The following LRRC37A variants were observed in gnomAD, a reference collection of about 807,000 sequenced individuals.
The protein encoded by LRRC37A is leucine rich repeat containing 37A.
In LRRC37A, 3 loss-of-function variants were observed where a neutral mutation model predicts 35.4. That is an observed-to-expected ratio of 0.08 (90% confidence interval 0.04 to 0.22). The LOEUF is 0.22. Ranked by LOEUF, LRRC37A falls within the 10% of genes least tolerant of loss-of-function variation. LRRC37A has a pLI of 1.00. For synonymous variants in LRRC37A, 23 were observed against 215.0 expected (o/e 0.11, Z 7.81); for missense variants, 67 against 565.3 (o/e 0.12, Z 8.94).
the LRRC37A span, among the ~76,000 whole-genome samples, chr17:46,280,441 A>G: frequency 2.0e-5 from 3 of 152,178 alleles, no homozygotes; most frequent in Non-Finnish European, 2.9e-5. Flanking sequence ...TGGGAGGCCA[A>G]GGTTGGCGGG....
At chr17:46,252,027 G>A in the LRRC37A span, among the ~76,000 whole-genome samples, 36 of 152,124 alleles carry the variant, frequency 2.4e-4, no homozygotes, top group African/African-American at 8.5e-4. Flanking sequence ...GTTATTTGGA[G>A]AAATCCATTT....
At position 46,317,024 on chromosome 17, in the gene LRRC37A, C is replaced by T. The variant is rs933719319; in HGVS notation, c.2907-5298C>T. ...CTATGTCTACTTCTTTCTACACAGA[C>T]ACAGCAACAATCTGATTTCTGTATC... is the stretch of plus-strand genomic sequence containing the variant. On this transcript the variant is annotated intron_variant, in intron 5 of 13. Coordinates refer to ENST00000320254, the Ensembl canonical transcript of LRRC37A. Among the ~76,000 whole-genome samples, 4 of 95,600 alleles carry T rather than the reference C, an allele frequency of 4.2e-5. 1 individual carries two copies. Among genetic ancestry groups the T allele is most frequent in the African/African-American group, 1.3e-4 (4 of 31,920 alleles). 62.7% of individuals were successfully genotyped at this position (95,600 alleles called of 152,430 possible).
chr17:46,269,283 C>T, the LRRC37A span, among the ~76,000 whole-genome samples: 2 of 152,218 alleles, frequency 1.3e-5, no homozygotes, highest in Non-Finnish European at 2.9e-5. Context: ...CCTGTAATCC[C>T]AGCACTTTGA....
the LRRC37A span, among the ~76,000 whole-genome samples, chr17:46,286,450 A>G: frequency 7.2e-5 from 11 of 152,260 alleles, no homozygotes; most frequent in Non-Finnish European, 1.5e-4. Context: ...TTATACCCAA[A>G]TTAGTGTTTT....
At chr17:46,251,179 G>GGACTTAGCCCA in the LRRC37A span, among the ~76,000 whole-genome samples, 1 of 152,078 alleles carries the variant, frequency 6.6e-6, no homozygotes, top group Non-Finnish European at 1.5e-5. Flanking sequence ...TTAGTCCCGT[G>GGACTTAGCCCA]GTTCTCAACT....
At chr17:46,268,665 C>G in the LRRC37A span, 1 of 1,532,276 alleles carries the variant, frequency 6.5e-7, no homozygotes, top group Non-Finnish European at 8.8e-7. Context: ...AGGGCAAATT[C>G]AAGGTGCAAT....
At chr17:46,276,850 C>T in the LRRC37A span, among the ~76,000 whole-genome samples, 1 of 143,152 alleles carries the variant, frequency 7.0e-6, no homozygotes, top group East Asian at 2.1e-4. Context: ...GTAGCCCAGT[C>T]TGGAGTGCAG....
At chr17:46,266,245 C>T in the LRRC37A span, among the ~76,000 whole-genome samples, 19 of 152,280 alleles carry the variant, frequency 1.2e-4, no homozygotes, top group African/African-American at 3.4e-4. Flanking sequence ...ACTCTTTCTC[C>T]CCCACTCAGT....
chr17:46,252,214 A>AT, the LRRC37A span, among the ~76,000 whole-genome samples: 30 of 150,472 alleles, frequency 2.0e-4, no homozygotes, highest in African/African-American at 2.9e-4. Flanking sequence ...TGATTCATTG[A>AT]TTTTTTTTTT....
the LRRC37A span, chr17:46,267,319 G>C: frequency 2.8e-6 from 4 of 1,426,492 alleles, no homozygotes; most frequent in Non-Finnish European, 3.8e-6. Context: ...TTTTTTGGAA[G>C]CAGCGATGAA....
At chr17:46,268,816 A>C in the LRRC37A span, 2 of 719,456 alleles carry the variant, frequency 2.8e-6, no homozygotes, top group African/African-American at 4.0e-5. Context: ...AATGACCTGC[A>C]TAGTTACAAC....
chr17:46,257,644 T>C, the LRRC37A span, among the ~76,000 whole-genome samples: 1 of 148,240 alleles, frequency 6.7e-6, no homozygotes, highest in East Asian at 2.0e-4. Flanking sequence ...CAAGACTTTG[T>C]TTCTACTTAA....
intron 3 of LRRC37A, among the ~76,000 whole-genome samples, chr17:46,305,058 A>T: frequency 1.4e-5 from 1 of 72,142 alleles, no homozygotes; most frequent in Admixed American, 2.0e-4. Flanking sequence ...TTTTGTAGAG[A>T]CAGGGTTTCA....
chr17:46,278,059 C>T, the LRRC37A span, among the ~76,000 whole-genome samples: 1 of 152,178 alleles, frequency 6.6e-6, no homozygotes, highest in Non-Finnish European at 1.5e-5. Flanking sequence ...GATTCTTCTG[C>T]CTCAGCCTCC....
chr17:46,272,985 ATTACT>A, the LRRC37A span, among the ~76,000 whole-genome samples: 6 of 152,356 alleles, frequency 3.9e-5, no homozygotes, highest in East Asian at 3.9e-4. Context: ...TGTCAAAAAC[ATTACT>A]TTATTTTTCT....
the LRRC37A span, among the ~76,000 whole-genome samples, chr17:46,251,833 A>G: frequency 6.6e-6 from 1 of 151,580 alleles, no homozygotes; most frequent in Non-Finnish European, 1.5e-5. Context: ...TTAGGGTGTA[A>G]TATGGCCCTC....
the LRRC37A span, among the ~76,000 whole-genome samples, chr17:46,252,381 T>A: frequency 4.8e-5 from 7 of 145,750 alleles, no homozygotes; most frequent in African/African-American, 1.7e-4. Context: ...TTCTTTCTTT[T>A]TTTTTTTTTT....
chr17:46,275,500 A>C, the LRRC37A span: 1 of 635,096 alleles, frequency 1.6e-6, no homozygotes, highest in Non-Finnish European at 2.8e-6. Flanking sequence ...AAGTAAATAA[A>C]TCTGGAAGAA....
the LRRC37A span, among the ~76,000 whole-genome samples, chr17:46,274,468 G>A: frequency 5.9e-5 from 9 of 152,346 alleles, no homozygotes; most frequent in East Asian, 1.7e-3. Context: ...AGTTGTGTGT[G>A]TGTGCACATG....
Sources: allele counts gnomAD v4.1 joint callset (sites outside exome capture counted in the v4.1 genomes callset), GRCh38; gene constraint gnomAD v4.1.1; transcripts MANE v1.5; gene names NCBI Gene and HGNC (gene_info 2026-07-23, HGNC 2026-07-21).